Variants in STARD13 observed in about 807,000 individuals in gnomAD.
STARD13 encodes the protein StAR related lipid transfer domain containing 13, also known as stAR-related lipid transfer protein 13.
STARD13 carries 62 observed loss-of-function variants against 106.4 expected under a neutral mutation model. That is an observed-to-expected ratio of 0.58 (90% CI 0.48 to 0.72). The LOEUF is 0.72. Among genes scored for constraint, STARD13 ranks in the 30% least tolerant of loss-of-function variants. The pLI is 0.00. For missense variants in STARD13, 1,387 were observed against 1,424.0 expected (o/e 0.97, Z 0.42); for synonymous variants, 565 against 553.0 (o/e 1.02, Z -0.31).
the STARD13 span, among the ~76,000 whole-genome samples, chr13:33,442,688 G>A: frequency 2.6e-5 from 4 of 152,160 alleles, no homozygotes; most frequent in African/African-American, 9.7e-5. Context: ...GTTCAAAGAT[G>A]TTAGAGATAT....
chr13:33,454,847 A>G, the STARD13 span, among the ~76,000 whole-genome samples: 3 of 152,220 alleles, frequency 2.0e-5, no homozygotes, highest in Non-Finnish European at 2.9e-5. Flanking sequence ...CAGAGAAGAG[A>G]TGATGGCAGC....
chr13:33,596,049 G>C, the STARD13 span, among the ~76,000 whole-genome samples: 2 of 152,156 alleles, frequency 1.3e-5, no homozygotes, highest in Non-Finnish European at 2.9e-5. Flanking sequence ...ACTTCCAGGA[G>C]ATATCAGGGA....
At chr13:33,519,552 T>G in the STARD13 span, among the ~76,000 whole-genome samples, 3 of 151,940 alleles carry the variant, frequency 2.0e-5, no homozygotes, top group Non-Finnish European at 4.4e-5. Context: ...AACTTGCCCA[T>G]GCTGCATTTA....
chr13:33,633,225 C>A, the STARD13 span, among the ~76,000 whole-genome samples: 1 of 152,182 alleles, frequency 6.6e-6, no homozygotes, highest in Non-Finnish European at 1.5e-5. Flanking sequence ...CTGCCTAGTG[C>A]TAAGGAAAGA....
the STARD13 span, among the ~76,000 whole-genome samples, chr13:33,633,982 A>G: frequency 3.9e-5 from 6 of 152,260 alleles, no homozygotes; most frequent in African/African-American, 1.4e-4. Flanking sequence ...TCAGTCAAAT[A>G]GATTCATCAG....
chr13:33,447,938 C>A, the STARD13 span, among the ~76,000 whole-genome samples: 2 of 151,970 alleles, frequency 1.3e-5, no homozygotes, highest in African/African-American at 2.4e-5. Context: ...AGATAATAAG[C>A]ACAATTAATT....
intron 1 of STARD13, among the ~76,000 whole-genome samples, chr13:33,325,345 C>T (rs1301108101): frequency 6.6e-6 from 1 of 152,202 alleles, no homozygotes; most frequent in African/African-American, 2.4e-5. Context: ...AGATACTCTG[C>T]TTCCTGTTAT....
chr13:33,369,865 C>T, the STARD13 span, among the ~76,000 whole-genome samples: 2 of 152,092 alleles, frequency 1.3e-5, no homozygotes, highest in Non-Finnish European at 2.9e-5. Flanking sequence ...AAATATCGAT[C>T]AGTTCATAAG....
At chr13:33,120,242 A>G (rs963596443) in intron 7 of STARD13, among the ~76,000 whole-genome samples, 1 of 152,248 alleles carries the variant, frequency 6.6e-6, no homozygotes, top group Admixed American at 6.5e-5. Context: ...GTTTCTGTTT[A>G]AATTGTCGAG....
the STARD13 span, among the ~76,000 whole-genome samples, chr13:33,625,900 C>T: frequency 2.0e-5 from 3 of 152,204 alleles, no homozygotes; most frequent in Admixed American, 2.0e-4. Context: ...TGGGGTTTCA[C>T]CATGTTGGCT....
chr13:33,581,544 C>A, the STARD13 span, among the ~76,000 whole-genome samples: 1 of 152,090 alleles, frequency 6.6e-6, no homozygotes, highest in Non-Finnish European at 1.5e-5. Flanking sequence ...ACTGGTGTTT[C>A]AATTTGTGTA....
chr13:33,436,022 A>C, the STARD13 span, among the ~76,000 whole-genome samples: 1 of 152,226 alleles, frequency 6.6e-6, no homozygotes, highest in African/African-American at 2.4e-5. Context: ...TGTTCCTGAC[A>C]GATCCTTCTA....
intron 1 of STARD13, among the ~76,000 whole-genome samples, chr13:33,324,746 T>A (rs1201125678): frequency 6.6e-6 from 1 of 152,196 alleles, no homozygotes; most frequent in Non-Finnish European, 1.5e-5. Context: ...AATATTTAGA[T>A]TATCCCAAAT....
the STARD13 span, among the ~76,000 whole-genome samples, chr13:33,654,366 C>T: frequency 5.3e-5 from 8 of 151,924 alleles, no homozygotes; most frequent in Admixed American, 6.6e-5. Context: ...AAGCGAAACA[C>T]AAAAGGGTAC....
the STARD13 span, among the ~76,000 whole-genome samples, chr13:33,642,818 C>T: frequency 1.4e-5 from 2 of 147,620 alleles, no homozygotes; most frequent in Admixed American, 6.8e-5. Flanking sequence ...CAGAGGAATG[C>T]TGGGAACAAA....
Position 33,240,594 on chromosome 13 carries a change from C to G in STARD13, c.169+44876G>C, listed in dbSNP as rs1251946983. 2.0e-5 allele frequency among the ~76,000 whole-genome samples: 3 copies of G among 152,120 alleles called. No homozygotes were observed. In the South Asian group the frequency reaches 6.2e-4, roughly 32 times the overall value. ...CAGTTTTCAATGTACAAGTCTTTTG[C>G]CTTTTGGTTAAGTTTATCCTTAAGT... On this transcript the variant is annotated intron_variant, in intron 1 of 13. Transcript: ENST00000336934.
At chr13:33,449,974 G>GT in the STARD13 span, among the ~76,000 whole-genome samples, 7 of 152,168 alleles carry the variant, frequency 4.6e-5, no homozygotes, top group South Asian at 2.1e-4. Flanking sequence ...AGTTCTAATA[G>GT]TTTTTTTGTG....
At chr13:33,505,803 A>G in the STARD13 span, among the ~76,000 whole-genome samples, 1 of 152,174 alleles carries the variant, frequency 6.6e-6, no homozygotes, top group Non-Finnish European at 1.5e-5. Flanking sequence ...GTCCTCCACA[A>G]ATATATTTAT....
At chr13:33,276,460 A>G (rs1334747366) in intron 1 of STARD13, among the ~76,000 whole-genome samples, 1 of 152,190 alleles carries the variant, frequency 6.6e-6, no homozygotes, top group Non-Finnish European at 1.5e-5. Context: ...AGGATTTGTG[A>G]ATCGTTCTTA....
Sources: allele counts gnomAD v4.1 joint callset (sites outside exome capture counted in the v4.1 genomes callset), GRCh38; gene constraint gnomAD v4.1.1; transcripts MANE v1.5; gene names NCBI Gene and HGNC (gene_info 2026-07-23, HGNC 2026-07-21).